FER1L6: variants seen among roughly 807,000 people sequenced by gnomAD.
The protein encoded by FER1L6 is fer-1 like family member 6.
Under a neutral mutation model 219.2 loss-of-function variants are expected in FER1L6, and 177 were observed. The observed-to-expected ratio is 0.81, with a 90% CI of 0.71 to 0.91. The LOEUF is 0.91. Among genes scored for constraint, FER1L6 ranks in the 40% least tolerant of loss-of-function variants. The pLI, the probability that FER1L6 is intolerant of heterozygous loss-of-function variation, is 0.00. For missense variants in FER1L6, 2,153 were observed against 2,259.9 expected (o/e 0.95, Z 0.96); for synonymous variants, 768 against 824.3 (o/e 0.93, Z 1.17).
chr8:123,975,375 C>G, intron 8 of FER1L6, 69 bp downstream of exon 8: 2 of 1,422,386 alleles, frequency 1.4e-6, no homozygotes, highest in East Asian at 2.4e-5. Flanking sequence ...TCCCCTCCCT[C>G]ACCACTTTTC....
chr8:124,057,003 C>T (rs997064078), intron 22 of FER1L6, among the ~76,000 whole-genome samples: 2 of 152,100 alleles, frequency 1.3e-5, no homozygotes, highest in African/African-American at 4.8e-5. Flanking sequence ...GGGATCGCAC[C>T]TCTGCACTCC....
chr8:124,055,008 T>TGGAAA (rs1806221482), intron 22 of FER1L6, among the ~76,000 whole-genome samples: 1 of 152,092 alleles, frequency 6.6e-6, no homozygotes, highest in South Asian at 2.1e-4. Context: ...AGTGTAGCCA[T>TGGAAA]GGAAAGGAAG....
Position 123,972,905 on chromosome 8 carries a change from CT to C in FER1L6, c.448-528del, listed in dbSNP as rs574176774. 8.9e-4 allele frequency among the ~76,000 whole-genome samples: 136 copies of C among 152,174 alleles called. 1 individual carries two copies. The highest frequency in any genetic ancestry group is 1.6e-3 in the Non-Finnish European group (110 of 68,034). ...TTGAGAGCATTAGCATGAAAATGGG[CT>C]GCTGTAACCAAGCCAGGCCCTCTGC... On this transcript the variant is annotated intron_variant, in intron 6 of 40. Transcript: ENST00000522917.
At chr8:123,879,360 T>A (rs1298011921) in intron 1 of FER1L6, among the ~76,000 whole-genome samples, 3 of 152,128 alleles carry the variant, frequency 2.0e-5, no homozygotes, top group African/African-American at 7.2e-5. Flanking sequence ...GGAATCTCAC[T>A]CTGTTGACCA....
chr8:123,934,999 G>A (rs1203228066), intron 1 of FER1L6, among the ~76,000 whole-genome samples: 1 of 152,148 alleles, frequency 6.6e-6, no homozygotes, highest in Non-Finnish European at 1.5e-5. Context: ...AGAACTGTGA[G>A]TCAGTTAAAT....
intron 26 of FER1L6, among the ~76,000 whole-genome samples, chr8:124,065,784 A>G (rs1820806166): frequency 6.6e-6 from 1 of 152,228 alleles, no homozygotes; most frequent in African/African-American, 2.4e-5. Context: ...AGATGAATGC[A>G]TGATGAGTGC....
intron 34 of FER1L6, among the ~76,000 whole-genome samples, chr8:124,092,248 ATG>A (rs900760515): frequency 6.6e-6 from 1 of 152,188 alleles, no homozygotes; most frequent in African/African-American, 2.4e-5. Flanking sequence ...TTTTACGGTT[ATG>A]CCATTTACTC....
intron 1 of FER1L6, among the ~76,000 whole-genome samples, chr8:123,902,338 T>C (rs1370314218): frequency 6.6e-6 from 1 of 152,206 alleles, no homozygotes; most frequent in Non-Finnish European, 1.5e-5. Context: ...TTTCAAGATA[T>C]AGTTAAAATT....
intron 10 of FER1L6, among the ~76,000 whole-genome samples, chr8:123,979,716 G>T (rs969723764): frequency 2.0e-5 from 3 of 152,274 alleles, no homozygotes; most frequent in African/African-American, 2.4e-5. Context: ...AGTTCAAGAC[G>T]CTGGTCTTCA....
intron 1 of FER1L6, among the ~76,000 whole-genome samples, chr8:123,899,397 TTC>T (rs901968051): frequency 9.2e-5 from 14 of 152,178 alleles, no homozygotes; most frequent in African/African-American, 3.4e-4. Flanking sequence ...TGGTTGTAGA[TTC>T]TGGATATTAT....
intron 34 of FER1L6, 89 bp downstream of exon 34, chr8:124,091,672 A>G: frequency 2.1e-6 from 3 of 1,402,158 alleles, no homozygotes; most frequent in Non-Finnish European, 3.0e-6. Flanking sequence ...ACATCTAATT[A>G]TAAAAGTAAT....
chr8:123,890,550 GTTTAT>G (rs1171281614), intron 1 of FER1L6, among the ~76,000 whole-genome samples: 8 of 126,662 alleles, frequency 6.3e-5, no homozygotes, highest in Non-Finnish European at 1.2e-4. Context: ...CATTTATTTT[GTTTAT>G]TTAGAATTCC....
chr8:123,921,000 C>T (rs1456876115), intron 1 of FER1L6, among the ~76,000 whole-genome samples: 1 of 152,178 alleles, frequency 6.6e-6, no homozygotes, highest in Admixed American at 6.5e-5. Flanking sequence ...CCTCAAGGTT[C>T]ATCCATGTTG....
chr8:123,944,143 T>G (rs1253120751), intron 1 of FER1L6, among the ~76,000 whole-genome samples: 1 of 152,070 alleles, frequency 6.6e-6, no homozygotes, highest in Non-Finnish European at 1.5e-5. Context: ...AAAAAGTATA[T>G]AGAGCTTTTA....
chr8:124,100,186 C>T (rs1334779783), intron 37 of FER1L6, among the ~76,000 whole-genome samples: 3 of 152,154 alleles, frequency 2.0e-5, no homozygotes, highest in South Asian at 2.1e-4. Context: ...AGAAAGCACA[C>T]GGTTTGAAAT....
At chr8:123,854,153 A>G (rs1267858519) in intron 1 of FER1L6, among the ~76,000 whole-genome samples, 1 of 152,216 alleles carries the variant, frequency 6.6e-6, no homozygotes, top group Non-Finnish European at 1.5e-5. Flanking sequence ...CAATTATAAC[A>G]TAAACAATGC....
At chr8:124,070,629 C>T (rs774557474) in intron 30 of FER1L6, 31 bp downstream of exon 30, 15 of 1,537,508 alleles carry the variant, frequency 9.8e-6, no homozygotes, top group Non-Finnish European at 1.2e-5. Flanking sequence ...TTTTATTTGG[C>T]TCTCCCTGTC....
At chr8:124,036,460 T>C (rs1819216179) in intron 19 of FER1L6, among the ~76,000 whole-genome samples, 1 of 152,204 alleles carries the variant, frequency 6.6e-6, no homozygotes, top group Non-Finnish European at 1.5e-5. Flanking sequence ...AAATCAACCC[T>C]GGGAAGACTC....
chr8:124,013,924 C>T (rs976683983), intron 15 of FER1L6, among the ~76,000 whole-genome samples: 2 of 152,096 alleles, frequency 1.3e-5, no homozygotes, highest in Non-Finnish European at 2.9e-5. Flanking sequence ...GGGAAAACAT[C>T]TCTTCTCTGA....
Sources: allele counts gnomAD v4.1 joint callset (sites outside exome capture counted in the v4.1 genomes callset), GRCh38; gene constraint gnomAD v4.1.1; transcripts MANE v1.5; gene names NCBI Gene and HGNC (gene_info 2026-07-23, HGNC 2026-07-21).